Variants in PNPLA1 observed in about 807,000 individuals in gnomAD.
The protein encoded by PNPLA1 is omega-hydroxyceramide transacylase.
In PNPLA1, 36 loss-of-function variants were observed where a neutral mutation model predicts 51.7. The ratio of observed to expected loss-of-function variants is 0.70; its 90% CI spans 0.53 to 0.92. The LOEUF is 0.92. PNPLA1 is among the 40% of genes least tolerant of loss of function. The pLI is 0.00. For synonymous variants in PNPLA1, 293 were observed against 280.1 expected, an observed-to-expected ratio of 1.05 and a Z score of -0.46; for missense variants, 658 against 682.5, an observed-to-expected ratio of 0.96 and a Z score of 0.40.
chr6:36,299,926 C>G (rs948674252), intron 5 of PNPLA1, among the ~76,000 whole-genome samples: 17 of 152,084 alleles, frequency 1.1e-4, no homozygotes, highest in African/African-American at 4.1e-4. Flanking sequence ...ATCTGTTAGA[C>G]GTTACAGAAT....
intron 1 of PNPLA1, among the ~76,000 whole-genome samples, chr6:36,278,496 G>A (rs1260902850): frequency 2.6e-5 from 4 of 152,204 alleles, no homozygotes; most frequent in African/African-American, 9.6e-5. Flanking sequence ...AAAGTGACTA[G>A]TTGGAGGCAG....
chr6:36,259,621 A>G (rs1205404832), intron 1 of PNPLA1, among the ~76,000 whole-genome samples: 1 of 152,144 alleles, frequency 6.6e-6, no homozygotes, highest in Non-Finnish European at 1.5e-5. Context: ...CACTGTGAGA[A>G]CCTAATAAGA....
intron 1 of PNPLA1, among the ~76,000 whole-genome samples, chr6:36,283,010 A>G (rs1770369700): frequency 6.6e-6 from 1 of 152,092 alleles, no homozygotes; most frequent in Non-Finnish European, 1.5e-5. Context: ...AAAATTTAAT[A>G]ATAAACTTTT....
At position 36,295,345 on chromosome 6, in the gene PNPLA1, C is replaced by A; in HGVS notation, c.715-19C>A. ...CCTCCCCGCAGCCTTGGTAATTCTCCTGGTGCCTCCGCCCACAGATCCTGC... is the reference window on the plus strand; with the variant it reads ...CCTCCCCGCAGCCTTGGTAATTCTCATGGTGCCTCCGCCCACAGATCCTGC... On this transcript the variant is annotated intron_variant, in intron 4 of 8. Transcript: ENST00000636260. The A allele has an allele frequency of 6.2e-7, 1 of 1,614,156 alleles. No individual in the cohort carries two copies. Among genetic ancestry groups the A allele is most frequent in the Non-Finnish European group, 8.5e-7 (1 of 1,179,990 alleles).
At chr6:36,284,197 G>A (rs1561860540) in intron 1 of PNPLA1, among the ~76,000 whole-genome samples, 2 of 152,222 alleles carry the variant, frequency 1.3e-5, no homozygotes, top group Non-Finnish European at 2.9e-5. Context: ...TAGGAGCACA[G>A]GTGATGAATC....
intron 1 of PNPLA1, among the ~76,000 whole-genome samples, chr6:36,245,242 A>G (rs538221309): frequency 5.3e-5 from 8 of 152,290 alleles, no homozygotes; most frequent in East Asian, 3.9e-4. Context: ...TCGGCTCCCA[A>G]CTGAAGTCTC....
Position 36,294,502 on chromosome 6 carries a change from C to G in PNPLA1, c.714+103C>G. 9.1e-7 allele frequency: 1 copy of G among 1,093,108 alleles called. No individual in the cohort carries two copies. The highest frequency in any genetic ancestry group is 1.3e-6 in the Non-Finnish European group (1 of 743,504). 67.7% of individuals were successfully genotyped at this position (1,093,108 alleles called of 1,614,324 possible). ...ACTCAAGTTCCATCTGAGTCTCCTCCCCTCAAATGGTCCTTTAAACTTCCT... is the reference window on the plus strand; with the variant it reads ...ACTCAAGTTCCATCTGAGTCTCCTCGCCTCAAATGGTCCTTTAAACTTCCT... On this transcript the variant is annotated intron_variant, in intron 4 of 8. Transcript: ENST00000636260. The surrounding 1 kb of genome is among the most constrained non-coding windows in gnomAD (Gnocchi z 4.2).
At chr6:36,282,119 AGG>A (rs1291733312) in intron 1 of PNPLA1, among the ~76,000 whole-genome samples, 1,568 of 127,104 alleles carry the variant, frequency 0.012, 162 homozygotes, top group Admixed American at 0.015. Context: ...GAAGGAAGGA[AGG>A]AAGGAAGGAA....
chr6:36,273,065 G>A (rs911048569), intron 1 of PNPLA1, among the ~76,000 whole-genome samples: 4 of 151,670 alleles, frequency 2.6e-5, no homozygotes, highest in African/African-American at 7.3e-5. Flanking sequence ...GCCAAATGGC[G>A]AAACCCCTTC....
At chr6:36,276,754 G>GTTCCTTCC (rs35701454) in intron 1 of PNPLA1, among the ~76,000 whole-genome samples, 321 of 149,892 alleles carry the variant, frequency 2.1e-3, no homozygotes, top group Middle Eastern at 6.9e-3. Context: ...TCGTTCGTTC[G>GTTCCTTCC]TTCCTTCCTT....
intron 1 of PNPLA1, among the ~76,000 whole-genome samples, chr6:36,249,083 A>C (rs891827277): frequency 6.6e-6 from 1 of 152,092 alleles, no homozygotes; most frequent in Non-Finnish European, 1.5e-5. Context: ...TAGTCATGGG[A>C]TCCCACAGCT....
intron 1 of PNPLA1, among the ~76,000 whole-genome samples, chr6:36,258,544 G>A (rs1769580276): frequency 6.6e-6 from 1 of 152,088 alleles, no homozygotes; most frequent in East Asian, 1.9e-4. Context: ...GGAGGTTTGT[G>A]GTCCTATGGG....
At chr6:36,243,299 A>G (rs1438662130) in intron 1 of PNPLA1, 1 of 152,232 alleles carries the variant, frequency 6.6e-6, no homozygotes, top group East Asian at 1.9e-4. Flanking sequence ...ATGTTCATGA[A>G]TGCATGGTGG....
intron 1 of PNPLA1, among the ~76,000 whole-genome samples, chr6:36,274,456 A>G (rs1161389781): frequency 1.3e-5 from 2 of 152,200 alleles, no homozygotes; most frequent in East Asian, 1.9e-4. Flanking sequence ...CAAAAGTCTC[A>G]TCGTTAGTTA....
chr6:36,309,718 T>C (rs1561875866), intron 8 of PNPLA1, among the ~76,000 whole-genome samples: 1 of 152,246 alleles, frequency 6.6e-6, no homozygotes, highest in Admixed American at 6.5e-5. Context: ...GGTTGTCTGC[T>C]GCGTTCCTTT....
chr6:36,274,486 G>C (rs75893449), intron 1 of PNPLA1, among the ~76,000 whole-genome samples: 2,365 of 152,146 alleles, frequency 0.016, 51 homozygotes, highest in African/African-American at 0.051. Flanking sequence ...AAGGAACCAG[G>C]GCTAGATCTT....
chr6:36,243,592 G>A (rs1456298360), intron 1 of PNPLA1, among the ~76,000 whole-genome samples: 1 of 152,202 alleles, frequency 6.6e-6, no homozygotes, highest in Non-Finnish European at 1.5e-5. Flanking sequence ...GGAAGGAGGT[G>A]CAGCCTGGGA....
intron 1 of PNPLA1, among the ~76,000 whole-genome samples, chr6:36,246,559 TAAC>T (rs2127307923): frequency 6.6e-6 from 1 of 152,322 alleles, no homozygotes; most frequent in Non-Finnish European, 1.5e-5. Context: ...ATGATACTGA[TAAC>T]TTGTCATTAT....
chr6:36,293,227 C>T (rs1461258408), intron 3 of PNPLA1, 101 bp downstream of exon 3: 12 of 1,183,482 alleles, frequency 1.0e-5, no homozygotes, highest in Middle Eastern at 2.0e-4. Context: ...CAGAATGCAG[C>T]GGGAGGACCT....
Sources: gnomAD v4.1 joint callset for allele counts (sites outside exome capture counted in the v4.1 genomes callset) on GRCh38, gnomAD v4.1.1 for gene constraint, Gnocchi (gnomAD v3.1) non-coding constraint, MANE v1.5 for transcripts, NCBI Gene and HGNC (gene_info 2026-07-23, HGNC 2026-07-21) for gene names.